Variants in UNC13C observed in about 807,000 individuals in gnomAD.
UNC13C encodes the protein unc-13 homolog C.
A neutral mutation model predicts 245.4 loss-of-function variants in UNC13C; 174 were observed. The ratio of observed to expected loss-of-function variants is 0.71; its 90% confidence interval spans 0.63 to 0.80. The LOEUF (loss-of-function observed/expected upper bound fraction) is 0.80, where lower values mean the gene tolerates loss of function less well. UNC13C is among the 30% of genes least tolerant of loss of function. The probability of loss-of-function intolerance (pLI) is 0.00; values close to 1 mark genes in which losing one functional copy is unlikely to be tolerated. For missense variants in UNC13C, 2,829 were observed against 2,602.9 expected (o/e 1.09, Z -1.89); for synonymous variants, 992 against 895.1 (o/e 1.11, Z -1.93).
chr15:54,515,182 G>A (rs1894917402), intron 24 of UNC13C, among the ~76,000 whole-genome samples: 2 of 152,014 alleles, frequency 1.3e-5, no homozygotes, highest in Non-Finnish European at 2.9e-5. Context: ...TTTTTATGTG[G>A]ATACAGTTTT....
intron 2 of UNC13C, among the ~76,000 whole-genome samples, chr15:54,083,865 A>G (rs1017116957): frequency 2.0e-5 from 3 of 152,190 alleles, no homozygotes; most frequent in African/African-American, 4.8e-5. Flanking sequence ...ACAGTGGCCA[A>G]TGATAGGTAC....
chr15:54,505,886 A>G (rs936346126), intron 22 of UNC13C, among the ~76,000 whole-genome samples: 5 of 151,938 alleles, frequency 3.3e-5, no homozygotes, highest in African/African-American at 1.2e-4. Flanking sequence ...GTGAGATCCC[A>G]GGATTCCTTG....
chr15:53,961,523 A>C, the UNC13C span, among the ~76,000 whole-genome samples: 2 of 152,220 alleles, frequency 1.3e-5, no homozygotes, highest in Non-Finnish European at 2.9e-5. Context: ...TAGAATCAGC[A>C]AGGGCAGCAT....
At chr15:54,309,185 G>C (rs1370050947) in intron 13 of UNC13C, among the ~76,000 whole-genome samples, 1 of 151,494 alleles carries the variant, frequency 6.6e-6, no homozygotes, top group Non-Finnish European at 1.5e-5. Flanking sequence ...TACCTTTTTT[G>C]GTAATAGCCA....
At chr15:54,416,349 T>C (rs1480399509) in intron 19 of UNC13C, among the ~76,000 whole-genome samples, 1 of 152,090 alleles carries the variant, frequency 6.6e-6, no homozygotes, top group Non-Finnish European at 1.5e-5. Flanking sequence ...GTTTTTCTTA[T>C]TTGGAAAAAA....
intron 19 of UNC13C, among the ~76,000 whole-genome samples, chr15:54,458,823 A>G (rs543114794): frequency 6.6e-6 from 1 of 151,530 alleles, no homozygotes; most frequent in South Asian, 2.1e-4. Context: ...AAGACAGCAG[A>G]TACTTGATTG....
At chr15:54,210,248 A>ATC (rs1019454144) in intron 4 of UNC13C, among the ~76,000 whole-genome samples, 16 of 149,412 alleles carry the variant, frequency 1.1e-4, no homozygotes, top group African/African-American at 3.9e-4. Context: ...ATATATATAT[A>ATC]TATATATGGT....
chr15:54,319,617 G>C (rs765167901), intron 13 of UNC13C, among the ~76,000 whole-genome samples: 25 of 151,974 alleles, frequency 1.6e-4, no homozygotes, highest in Non-Finnish European at 3.1e-4. Context: ...CAAGGTGCCT[G>C]GTTAAGATAT....
chr15:54,286,752 T>C lies in UNC13C; in HGVS notation c.3819-7143T>C, dbSNP rs184065790. Among the ~76,000 whole-genome samples, 49 of 152,302 alleles carry C rather than the reference T, an allele frequency of 3.2e-4. No individual in the cohort carries two copies. The East Asian group carries it at 8.7e-3, about 27-fold the overall frequency. The stretch of plus-strand genomic sequence containing the variant: ...AAAAGGAAATTGGCCAAATAAGTGA[T>C]TGGCTCTGCAGAGCACAGCACCTGT... On this transcript the variant is annotated intron_variant, in intron 10 of 32. Coordinates refer to ENST00000260323, the MANE Select transcript of UNC13C (RefSeq NM_001080534.3).
chr15:54,164,618 C>T (rs1390779882), intron 4 of UNC13C, among the ~76,000 whole-genome samples: 1 of 152,204 alleles, frequency 6.6e-6, no homozygotes, highest in African/African-American at 2.4e-5. Flanking sequence ...TCTGTCAGTT[C>T]AGCCGGGTTT....
At position 54,567,866 on chromosome 15, in the gene UNC13C, T is replaced by A; in HGVS notation, c.6025T>A (p.Ser2009Thr). 1 of 1,602,832 alleles carries A rather than the reference T, an allele frequency of 6.2e-7. No individual in the cohort carries two copies. Among genetic ancestry groups the A allele is most frequent in the Non-Finnish European group, 8.5e-7 (1 of 1,173,714 alleles). The change falls in exon 30 of 33, where the codon TCT becomes ACT. Residue 2009 changes from serine (S) to threonine (T), a missense_variant. Transcript: ENST00000260323. ...NFLEKSPDLQSLRYALSLYTQ... is the reference protein window; with the variant it reads ...NFLEKSPDLQTLRYALSLYTQ... The stretch of plus-strand genomic sequence containing the variant: ...CTTGGAGAAAAGCCCAGATCTTCAG[T>A]CTCTGAGATATGCTCTCAGTCTTTA...
At chr15:54,080,706 C>A (rs949846536) in intron 2 of UNC13C, among the ~76,000 whole-genome samples, 1 of 151,916 alleles carries the variant, frequency 6.6e-6, no homozygotes, top group African/African-American at 2.4e-5. Flanking sequence ...TGAATCTTCT[C>A]TCTTTTTCTT....
chr15:54,204,143 G>A (rs1019459409), intron 4 of UNC13C, among the ~76,000 whole-genome samples: 6 of 151,652 alleles, frequency 4.0e-5, no homozygotes, highest in South Asian at 2.1e-4. Context: ...GGGGACTCGG[G>A]AAAGGTTGGG....
chr15:54,182,615 A>G (rs1161195292), intron 4 of UNC13C, among the ~76,000 whole-genome samples: 3 of 152,046 alleles, frequency 2.0e-5, no homozygotes, highest in Non-Finnish European at 4.4e-5. Flanking sequence ...AACTGGTAGA[A>G]TTCAGCTGCA....
At position 54,500,663 on chromosome 15, in the gene UNC13C, A is replaced by G. The variant is rs185856051; in HGVS notation, c.5158-172A>G. Among the ~76,000 whole-genome samples the G allele has an allele frequency of 5.3e-5, 8 of 152,260 alleles. No individual in the cohort carries two copies. In the East Asian group the frequency reaches 1.5e-3, roughly 29 times the overall value. On this transcript the variant is annotated intron_variant, in intron 21 of 32. Coordinates refer to ENST00000260323, the MANE Select transcript of UNC13C (RefSeq NM_001080534.3). ...TAGCTTGCCCCATGATATTAGTTCC[A>G]CCACACTTTCAAGAAAAGGAGATTA...
chr15:54,459,876 C>A (rs1567293840), intron 19 of UNC13C, among the ~76,000 whole-genome samples: 2 of 151,984 alleles, frequency 1.3e-5, no homozygotes, highest in Admixed American at 6.6e-5. Context: ...AACAATCAAA[C>A]TTCTGATTTC....
the UNC13C span, among the ~76,000 whole-genome samples, chr15:53,876,718 A>C: frequency 5.3e-5 from 8 of 152,208 alleles, no homozygotes. Flanking sequence ...ATAAACTGTT[A>C]TAATTACCCA....
chr15:53,887,365 G>T, the UNC13C span, among the ~76,000 whole-genome samples: 1 of 152,030 alleles, frequency 6.6e-6, no homozygotes, highest in East Asian at 1.9e-4. Context: ...TTTATTATAG[G>T]AAATGTGAGG....
At chr15:54,331,943 C>T in intron 14 of UNC13C, 100 bp from the exon 15 acceptor site, 2 of 704,218 alleles carry the variant, frequency 2.8e-6, no homozygotes, top group Non-Finnish European at 4.4e-6. Flanking sequence ...TATATTTGAT[C>T]CTTCCTTTCT....
Sources: gnomAD v4.1 joint callset for allele counts (sites outside exome capture counted in the v4.1 genomes callset) on GRCh38, gnomAD v4.1.1 for gene constraint, MANE v1.5 for transcripts, NCBI Gene and HGNC (gene_info 2026-07-23, HGNC 2026-07-21) for gene names.